DNAAF4: variants seen among roughly 807,000 people sequenced by gnomAD.
The protein encoded by DNAAF4 is dynein axonemal assembly factor 4, also known as dynein assembly factor 4, axonemal.
In DNAAF4, 43 loss-of-function variants were observed where a neutral mutation model predicts 51.8. That is an observed-to-expected ratio of 0.83 (90% CI 0.65 to 1.07). The LOEUF is 1.07. Among genes scored for constraint, DNAAF4 ranks in the 50% least tolerant of loss-of-function variants. DNAAF4 has a pLI of 0.00. For synonymous variants in DNAAF4, 194 were observed against 165.6 expected, an observed-to-expected ratio of 1.17 and a Z score of -1.32; for missense variants, 581 against 493.0, an observed-to-expected ratio of 1.18 and a Z score of -1.69.
rs138331513 is a variant in DNAAF4, at chr15:55,485,076, C to T, written c.405+6047G>A. On this transcript the variant is annotated intron_variant, in intron 4 of 9. Coordinates refer to ENST00000321149, the MANE Select transcript of DNAAF4 (RefSeq NM_130810.4). The stretch of plus-strand genomic sequence containing the variant: ...CATGTTCACAGCAGCATTATTCACA[C>T]TAGCCAAAGGGTGGAAGCAACCCAA... Among the ~76,000 whole-genome samples the T allele has an allele frequency of 4.7e-3, 715 of 152,320 alleles. 9 individuals are homozygous for T. Among genetic ancestry groups the T allele is most frequent in the African/African-American group, 0.016 (683 of 41,566 alleles).
chr15:55,469,133 C>T (rs956101944), intron 4 of DNAAF4, among the ~76,000 whole-genome samples: 2 of 151,944 alleles, frequency 1.3e-5, no homozygotes, highest in African/African-American at 4.8e-5. Context: ...GAGTTCGAGA[C>T]CAGCCTGGCC....
At chr15:55,471,817 A>T (rs978111953) in intron 4 of DNAAF4, among the ~76,000 whole-genome samples, 4 of 150,474 alleles carry the variant, frequency 2.7e-5, no homozygotes. Context: ...CCAGCCAACA[A>T]TTCTTAAAGA....
chr15:55,488,120 CTTTTTT>C (rs58763098), intron 4 of DNAAF4, among the ~76,000 whole-genome samples: 1 of 144,330 alleles, frequency 6.9e-6, no homozygotes, highest in Non-Finnish European at 1.5e-5. Context: ...TTTTCTTTTT[CTTTTTT>C]TTTTTTTGCT....
At chr15:55,426,507 G>A (rs2057431958), downstream of DNAAF4, among the ~76,000 whole-genome samples, 1 of 152,164 alleles carries the variant, frequency 6.6e-6, no homozygotes, top group African/African-American at 2.4e-5. Flanking sequence ...GAGTCTGTTA[G>A]GTTAGCTCTC....
At chr15:55,454,748 CTGAGT>C (rs1253217593) in intron 5 of DNAAF4, among the ~76,000 whole-genome samples, 1 of 152,056 alleles carries the variant, frequency 6.6e-6, no homozygotes, top group African/African-American at 2.4e-5. Flanking sequence ...ACAAAGTTCT[CTGAGT>C]GACAGTATGC....
chr15:55,479,993 T>G (rs1403246764), intron 4 of DNAAF4, among the ~76,000 whole-genome samples: 1 of 152,180 alleles, frequency 6.6e-6, no homozygotes, highest in East Asian at 1.9e-4. Context: ...CCTTGTGATC[T>G]TTGTTGGACC....
At position 55,488,848 on chromosome 15, in the gene DNAAF4, G is replaced by A. The variant is rs572495728; in HGVS notation, c.405+2275C>T. ...TCACACCTGTAATCCCAGCACTTCGGGAAGCCAAGACGGGCAGATCACGAG... is the reference window on the plus strand; with the variant it reads ...TCACACCTGTAATCCCAGCACTTCGAGAAGCCAAGACGGGCAGATCACGAG... On this transcript the variant is annotated intron_variant, in intron 4 of 9. Coordinates refer to ENST00000321149, the MANE Select transcript of DNAAF4 (RefSeq NM_130810.4). Among the ~76,000 whole-genome samples the A allele has an allele frequency of 1.9e-4, 29 of 152,254 alleles. No individual in the cohort carries two copies. In the South Asian group the frequency reaches 5.8e-3, roughly 30 times the overall value.
In DNAAF4 at chr15:55,432,546, T is replaced by G. The variant is rs746289217; in HGVS notation, c.1104A>C (p.Ala368=). The change falls in exon 9 of 10, where the codon GCA becomes GCC. Residue 368 remains alanine, a synonymous_variant. Coordinates refer to ENST00000321149, the MANE Select transcript of DNAAF4 (RefSeq NM_130810.4). ...AGAATGCTGTTCCACGTCGTACATG[T>G]GCCTTCATTCTTGCATTAGCATTGT... ...VTDNANARMK[A]HVRRGTAFCQ... is the part of the protein sequence containing the mutation. The G allele has an allele frequency of 5.6e-6, 9 of 1,612,862 alleles. No individual in the cohort carries two copies. In the South Asian group the frequency reaches 6.6e-5, roughly 12 times the overall value.
chr15:55,463,576 A>T (rs1254232465), intron 5 of DNAAF4, among the ~76,000 whole-genome samples: 2 of 152,190 alleles, frequency 1.3e-5, no homozygotes, highest in African/African-American at 4.8e-5. Context: ...CTGATATATG[A>T]ATTCAAGTAA....
intron 4 of DNAAF4, among the ~76,000 whole-genome samples, chr15:55,488,072 G>A (rs1286032929): frequency 6.6e-6 from 1 of 151,630 alleles, no homozygotes; most frequent in East Asian, 1.9e-4. Flanking sequence ...TACTGCTTTG[G>A]ATTCCTTGAC....
At chr15:55,473,252 T>G (rs1213416450) in intron 4 of DNAAF4, among the ~76,000 whole-genome samples, 1 of 141,986 alleles carries the variant, frequency 7.0e-6, no homozygotes, top group Non-Finnish European at 1.5e-5. Flanking sequence ...TATGTGTGTG[T>G]ATATATATGT....
At chr15:55,442,556 T>C in intron 6 of DNAAF4, 1 of 950,274 alleles carries the variant, frequency 1.1e-6, no homozygotes, top group Non-Finnish European at 1.7e-6. Flanking sequence ...GATTCAGCAG[T>C]GAGGGAGCAG....
chr15:55,474,855 C>A (rs1268197360), intron 4 of DNAAF4, among the ~76,000 whole-genome samples: 16 of 150,992 alleles, frequency 1.1e-4, no homozygotes, highest in Non-Finnish European at 3.0e-5. Flanking sequence ...TGGCGCACGC[C>A]GTAATCCCAG....
intron 4 of DNAAF4, among the ~76,000 whole-genome samples, chr15:55,489,288 C>G (rs1311571171): frequency 6.7e-6 from 1 of 150,192 alleles, no homozygotes; most frequent in Admixed American, 6.6e-5. Context: ...AAAAGGCCAA[C>G]AGCTGTGATC....
At chr15:55,499,600 G>A (rs2141607743) in intron 1 of DNAAF4, among the ~76,000 whole-genome samples, 1 of 152,236 alleles carries the variant, frequency 6.6e-6, no homozygotes, top group Admixed American at 6.5e-5. Context: ...ATTGTATCCT[G>A]CAAATCCTAT....
At chr15:55,437,383 A>G (rs954641275) in intron 7 of DNAAF4, among the ~76,000 whole-genome samples, 2 of 152,196 alleles carry the variant, frequency 1.3e-5, no homozygotes, top group Non-Finnish European at 2.9e-5. Context: ...CTTCAGAAAA[A>G]TTGCCAACTC....
downstream of DNAAF4, among the ~76,000 whole-genome samples, chr15:55,428,475 CTTTTTTTTCTTTTTTTTTTT>C (rs2057452695): frequency 1.1e-5 from 1 of 92,326 alleles, no homozygotes; most frequent in African/African-American, 3.9e-5. Context: ...CTCTCACTGT[CTTTTTTTTCTTTTTTTTTTT>C]TTTTTTTTTT....
At chr15:55,498,151 T>C in intron 2 of DNAAF4, 56 bp downstream of exon 2, 7 of 1,611,824 alleles carry the variant, frequency 4.3e-6, no homozygotes, top group Middle Eastern at 1.7e-4. Context: ...GCTGCGCTCT[T>C]GCAGAAGCTT....
At chr15:55,441,235 C>A (rs2057706640) in intron 6 of DNAAF4, among the ~76,000 whole-genome samples, 1 of 148,456 alleles carries the variant, frequency 6.7e-6, no homozygotes, top group Non-Finnish European at 1.5e-5. Context: ...CCATGCCCGG[C>A]CAGTTTTTGT....
Sources: allele counts gnomAD v4.1 joint callset (sites outside exome capture counted in the v4.1 genomes callset), GRCh38; gene constraint gnomAD v4.1.1; transcripts MANE v1.5; gene names NCBI Gene and HGNC (gene_info 2026-07-23, HGNC 2026-07-21).